CDH18: variants seen among roughly 807,000 people sequenced by gnomAD.
CDH18 encodes cadherin-18.
In CDH18, 31 loss-of-function variants were observed where a neutral mutation model predicts 67.9. The observed-to-expected ratio is 0.46, with a 90% confidence interval of 0.34 to 0.62. The LOEUF is 0.62. CDH18 is among the 20% of genes least tolerant of loss of function. The pLI is 0.01. For synonymous variants in CDH18, 362 were observed against 347.2 expected (o/e 1.04, Z -0.48); for missense variants, 890 against 975.5 (o/e 0.91, Z 1.17).
intron 2 of CDH18, among the ~76,000 whole-genome samples, chr5:20,254,375 G>T (rs1744076118): frequency 6.6e-6 from 1 of 152,164 alleles, no homozygotes; most frequent in Non-Finnish European, 1.5e-5. Context: ...TCCTCCTAAA[G>T]TTGGGATTAC....
intron 2 of CDH18, among the ~76,000 whole-genome samples, chr5:20,230,677 T>C (rs1741996985): frequency 6.6e-6 from 1 of 152,120 alleles, no homozygotes; most frequent in African/African-American, 2.4e-5. Flanking sequence ...TTTGTGGGGA[T>C]ATTATGTTTT....
At chr5:20,223,168 G>A (rs1379682885) in intron 2 of CDH18, among the ~76,000 whole-genome samples, 1 of 152,100 alleles carries the variant, frequency 6.6e-6, no homozygotes, top group Non-Finnish European at 1.5e-5. Flanking sequence ...AAGTCACAGG[G>A]ATGGAGCTGC....
chr5:19,867,085 T>A (rs182000298), intron 2 of CDH18, among the ~76,000 whole-genome samples: 1 of 152,072 alleles, frequency 6.6e-6, no homozygotes, highest in Non-Finnish European at 1.5e-5. Flanking sequence ...CAAGACTCCA[T>A]CTCAAAAATA....
chr5:20,452,641 A>G (rs1750538768), intron 1 of CDH18, among the ~76,000 whole-genome samples: 1 of 152,116 alleles, frequency 6.6e-6, no homozygotes, highest in African/African-American at 2.4e-5. Flanking sequence ...AAAATCAGAA[A>G]AAAATAACTA....
intron 2 of CDH18, among the ~76,000 whole-genome samples, chr5:20,055,449 T>A (rs1468840930): frequency 6.6e-6 from 1 of 152,214 alleles, no homozygotes; most frequent in Non-Finnish European, 1.5e-5. Flanking sequence ...CTAGAAAGGA[T>A]GTTTTTTGCC....
chr5:20,446,229 A>G (rs1253359688), intron 1 of CDH18, among the ~76,000 whole-genome samples: 2 of 152,140 alleles, frequency 1.3e-5, no homozygotes, highest in Admixed American at 6.5e-5. Flanking sequence ...TTCTCCTTCT[A>G]CAGAATGTGC....
chr5:20,055,884 T>C (rs967381458), intron 2 of CDH18, among the ~76,000 whole-genome samples: 1 of 152,068 alleles, frequency 6.6e-6, no homozygotes, highest in African/African-American at 2.4e-5. Context: ...AAGATCATTA[T>C]GAGCAATAGC....
intron 2 of CDH18, among the ~76,000 whole-genome samples, chr5:20,005,281 G>A (rs777400783): frequency 2.6e-5 from 4 of 152,086 alleles, no homozygotes; most frequent in Non-Finnish European, 5.9e-5. Context: ...CTGAACAGAT[G>A]CTTGAATCTG....
At chr5:19,754,545 G>A (rs1477755960) in intron 3 of CDH18, among the ~76,000 whole-genome samples, 1 of 152,050 alleles carries the variant, frequency 6.6e-6, no homozygotes, top group Non-Finnish European at 1.5e-5. Flanking sequence ...AAATGAGACA[G>A]ACAGTAACAC....
intron 1 of CDH18, among the ~76,000 whole-genome samples, chr5:20,283,540 A>C (rs1258541926): frequency 6.7e-6 from 1 of 149,982 alleles, no homozygotes; most frequent in African/African-American, 2.5e-5. Flanking sequence ...GAAAAAAAAA[A>C]CTGCAATTAA....
intron 2 of CDH18, among the ~76,000 whole-genome samples, chr5:20,207,901 C>T (rs963604623): frequency 7.2e-5 from 11 of 152,056 alleles, no homozygotes; most frequent in African/African-American, 2.4e-4. Context: ...AATCAGACTA[C>T]CTGACTTCAA....
intron 2 of CDH18, among the ~76,000 whole-genome samples, chr5:20,061,887 C>T (rs1390575967): frequency 6.6e-6 from 1 of 152,008 alleles, no homozygotes; most frequent in Non-Finnish European, 1.5e-5. Context: ...AGATCATGTC[C>T]TGACTTAGCC....
intron 6 of CDH18, among the ~76,000 whole-genome samples, chr5:19,606,727 A>G (rs1379840664): frequency 6.6e-6 from 1 of 151,906 alleles, no homozygotes; most frequent in Non-Finnish European, 1.5e-5. Context: ...CATACTTTGT[A>G]GAACTAATAG....
At chr5:20,284,430 G>A (rs1015706229) in intron 1 of CDH18, among the ~76,000 whole-genome samples, 2 of 151,658 alleles carry the variant, frequency 1.3e-5, no homozygotes, top group African/African-American at 4.8e-5. Context: ...TTTTAATTTG[G>A]GCTTATACAG....
chr5:20,308,321 T>C (rs1176407843), intron 1 of CDH18, among the ~76,000 whole-genome samples: 1 of 151,942 alleles, frequency 6.6e-6, no homozygotes, highest in Non-Finnish European at 1.5e-5. Flanking sequence ...GGTGGGTAGA[T>C]TGCCTGAGCT....
intron 1 of CDH18, among the ~76,000 whole-genome samples, chr5:20,489,853 C>T (rs1581098873): frequency 6.6e-6 from 1 of 151,538 alleles, no homozygotes; most frequent in East Asian, 1.9e-4. Flanking sequence ...TTTATTCAAG[C>T]TTTTTTTAAT....
At position 19,765,346 on chromosome 5, in the gene CDH18, T is replaced by C. The variant is rs1170559062; in HGVS notation, c.229-18110A>G. Reference sequence around the variant, plus strand: ...AAACTCACTTTCCCTTGAGGGAAAATTTTCCCAGAAAAAAAGACAATCTCA... The same window carrying C: ...AAACTCACTTTCCCTTGAGGGAAAACTTTCCCAGAAAAAAAGACAATCTCA... On this transcript the variant is annotated intron_variant, in intron 3 of 12. Transcript: ENST00000382275. 2.6e-5 allele frequency among the ~76,000 whole-genome samples: 4 copies of C among 151,600 alleles called. No individual in the cohort carries two copies. The East Asian group carries it at 7.7e-4, about 29-fold the overall frequency.
At chr5:19,635,069 T>C (rs6870196) in intron 5 of CDH18, among the ~76,000 whole-genome samples, 50 of 152,120 alleles carry the variant, frequency 3.3e-4, no homozygotes, top group Non-Finnish European at 6.9e-4. Context: ...TGAGGTGATA[T>C]AACACAATGT....
intron 2 of CDH18, among the ~76,000 whole-genome samples, chr5:20,112,440 T>C (rs768809033): frequency 2.6e-5 from 4 of 152,222 alleles, no homozygotes; most frequent in Non-Finnish European, 5.9e-5. Context: ...TGTTATCAGA[T>C]AGTTTTTGCC....
Sources: allele counts gnomAD v4.1 joint callset (sites outside exome capture counted in the v4.1 genomes callset), GRCh38; gene constraint gnomAD v4.1.1; transcripts MANE v1.5; gene names NCBI Gene and HGNC (gene_info 2026-07-23, HGNC 2026-07-21).